Variants in WARS2 observed in about 807,000 individuals in gnomAD.
WARS2 encodes tryptophanyl tRNA synthetase 2, mitochondrial.
Under a neutral mutation model 36.5 loss-of-function variants are expected in WARS2, and 28 were observed. The ratio of observed to expected loss-of-function variants is 0.77; its 90% confidence interval spans 0.57 to 1.05. The LOEUF is 1.05. WARS2 is among the 50% of genes least tolerant of loss of function. WARS2 has a pLI of 0.00. For missense variants in WARS2, 435 were observed against 456.8 expected, an observed-to-expected ratio of 0.95 and a Z score of 0.44; for synonymous variants, 174 against 178.4, an observed-to-expected ratio of 0.98 and a Z score of 0.20.
Position 119,034,123 on chromosome 1 carries a change from C to G in WARS2, c.606G>C (p.Glu202Asp). Residue 202 changes from glutamate to aspartate, a missense_variant, in exon 5 of 6, where the codon GAG becomes GAC. By Grantham distance (45) the Glu-to-Asp change is conservative. Transcript: ENST00000235521. ...GAATGGACTCGGGCACTGGAAAGAA[C>G]TCCCCATACTTCTTGTTGAAACCTT... ...LAQGFNKKYGEFFPVPESILT... is the reference protein window; with the variant it reads ...LAQGFNKKYGDFFPVPESILT... 1 of 1,613,912 alleles carries G rather than the reference C, an allele frequency of 6.2e-7. No individual in the cohort carries two copies. The highest frequency in any genetic ancestry group is 1.1e-5 in the South Asian group (1 of 91,072).
intron 1 of WARS2, among the ~76,000 whole-genome samples, chr1:119,131,283 C>T (rs1203013139): frequency 6.6e-6 from 1 of 151,848 alleles, no homozygotes; most frequent in Non-Finnish European, 1.5e-5. Flanking sequence ...AGAGTACAGA[C>T]AGATAAGGAT....
intron 1 of WARS2, among the ~76,000 whole-genome samples, chr1:119,080,691 A>G (rs1199047407): frequency 6.6e-6 from 1 of 152,202 alleles, no homozygotes; most frequent in East Asian, 1.9e-4. Context: ...GCCTGACGGC[A>G]TGGCAGGGGA....
chr1:119,115,575 G>A (rs993465256), intron 1 of WARS2, among the ~76,000 whole-genome samples: 2 of 152,114 alleles, frequency 1.3e-5, no homozygotes, highest in Non-Finnish European at 2.9e-5. Flanking sequence ...AAATTCAACA[G>A]TTTCAGGGCT....
intron 2 of WARS2, chr1:119,064,575 G>C (rs913544819): frequency 2.0e-5 from 3 of 152,192 alleles, no homozygotes; most frequent in Admixed American, 1.3e-4. Flanking sequence ...CCCAGTGGGA[G>C]GTAATTGAAT....
intron 1 of WARS2, among the ~76,000 whole-genome samples, chr1:119,129,484 A>G (rs1330823481): frequency 1.3e-5 from 2 of 152,262 alleles, no homozygotes; most frequent in African/African-American, 2.4e-5. Context: ...TGAGGCAGGA[A>G]CACCATTTGA....
At position 119,032,454 on chromosome 1, in the gene WARS2, T is replaced by G. The variant is rs1488139806; in HGVS notation, c.*457A>C. On this transcript the variant is annotated 3_prime_UTR_variant, in exon 6 of 6. Coordinates refer to ENST00000235521, the MANE Select transcript of WARS2 (RefSeq NM_015836.4). ...AGAATGGACTTGTTTTTATGAGCTC[T>G]GAATACAAATTGGCATCTGATCAAA... 1.3e-5 allele frequency: 2 copies of G among 155,358 alleles called. No homozygotes were observed. The highest frequency in any genetic ancestry group is 4.8e-5 in the African/African-American group (2 of 41,524). 9.6% of individuals were successfully genotyped at this position (155,358 alleles called of 1,614,324 possible). A position where few individuals can be genotyped will look rare whatever the true frequency, so the allele number is the denominator to read the frequency against.
At chr1:119,104,266 G>C (rs1206398484) in intron 1 of WARS2, among the ~76,000 whole-genome samples, 3 of 151,424 alleles carry the variant, frequency 2.0e-5, no homozygotes, top group Non-Finnish European at 4.4e-5. Context: ...ATAATATTAG[G>C]ATCCTTTCCC....
intron 4 of WARS2, among the ~76,000 whole-genome samples, chr1:119,041,838 G>A (rs1013283432): frequency 6.6e-6 from 1 of 152,158 alleles, no homozygotes; most frequent in Non-Finnish European, 1.5e-5. Flanking sequence ...AAACTTCCTG[G>A]ACTCAAATCC....
intron 4 of WARS2, among the ~76,000 whole-genome samples, chr1:119,035,422 G>GCTTATA (rs918137655): frequency 6.6e-6 from 1 of 152,098 alleles, no homozygotes; most frequent in Admixed American, 6.6e-5. Flanking sequence ...TCATCATGGA[G>GCTTATA]CTTACCTCAT....
intron 2 of WARS2, among the ~76,000 whole-genome samples, chr1:119,065,926 A>T (rs999372705): frequency 2.0e-5 from 3 of 152,192 alleles, no homozygotes; most frequent in African/African-American, 7.2e-5. Context: ...AACCAATGTG[A>T]TTTTTAAAAA....
At chr1:119,120,340 T>C (rs922167211) in intron 1 of WARS2, among the ~76,000 whole-genome samples, 1 of 151,640 alleles carries the variant, frequency 6.6e-6, no homozygotes, top group Admixed American at 6.6e-5. Flanking sequence ...ACAAACTTCC[T>C]AGATTAAACC....
Position 119,131,451 on chromosome 1 carries a change from G to GTTTTTT in WARS2, c.90+9098_90+9103dup, listed in dbSNP as rs1433121541. 7.1e-5 allele frequency among the ~76,000 whole-genome samples: 9 copies of GTTTTTT among 126,932 alleles called. No individual in the cohort carries two copies. The East Asian group carries it at 1.4e-3, about 20-fold the overall frequency. 83.3% of individuals were successfully genotyped at this position (126,932 alleles called of 152,430 possible). On this transcript the variant is annotated intron_variant, in intron 1 of 5. Coordinates refer to ENST00000235521, the MANE Select transcript of WARS2 (RefSeq NM_015836.4). ...GTATTTTGGATCCGGACTGTGCAAA[G>GTTTTTT]TTTTTTGTTTTTTGTTTTTTTTTTT...
chr1:119,124,655 C>T (rs77277973), intron 1 of WARS2, among the ~76,000 whole-genome samples: 13,755 of 152,130 alleles, frequency 0.09, 859 homozygotes, highest in Non-Finnish European at 0.13. Flanking sequence ...TACTTGGTCT[C>T]CTTGCTTCTA....
chr1:119,134,319 C>CAAAAAAAAAAAAAAAA (rs761321480), intron 1 of WARS2, among the ~76,000 whole-genome samples: 13 of 65,866 alleles, frequency 2.0e-4, no homozygotes, highest in Non-Finnish European at 2.4e-4. Flanking sequence ...GGCAAAGGGG[C>CAAAAAAAAAAAAAAAA]AAAAAAAAAA....
intron 2 of WARS2, among the ~76,000 whole-genome samples, chr1:119,071,566 T>C (rs1368335761): frequency 6.6e-6 from 1 of 152,106 alleles, no homozygotes; most frequent in East Asian, 1.9e-4. Flanking sequence ...AGAGGACATT[T>C]TGTTAAGTGA....
At chr1:119,113,810 G>A (rs922106705) in intron 1 of WARS2, among the ~76,000 whole-genome samples, 14 of 152,064 alleles carry the variant, frequency 9.2e-5, no homozygotes, top group African/African-American at 3.1e-4. Flanking sequence ...ATAATTTTAA[G>A]GATCTCTCTT....
At chr1:119,135,737 GAT>G (rs1423703285) in intron 1 of WARS2, among the ~76,000 whole-genome samples, 31 of 116,374 alleles carry the variant, frequency 2.7e-4, no homozygotes, top group Admixed American at 6.3e-4. Flanking sequence ...TAGATAGATA[GAT>G]AGATAGATAG....
At position 119,070,478 on chromosome 1, in the gene WARS2, G is replaced by C. The variant is rs187824904; in HGVS notation, c.348+5872C>G. Among the ~76,000 whole-genome samples, 674 of 152,134 alleles carry C rather than the reference G, an allele frequency of 4.4e-3. 11 individuals are homozygous for C. Among genetic ancestry groups the C allele is most frequent in the African/African-American group, 0.015 (629 of 41,556 alleles). ...GACAGGGTTTCACCTTGTTACCCAGGCTGATCTGGAGCTCCTGAGCTCAAG... is the reference window on the plus strand; with the variant it reads ...GACAGGGTTTCACCTTGTTACCCAGCCTGATCTGGAGCTCCTGAGCTCAAG... On this transcript the variant is annotated intron_variant, in intron 2 of 5. Coordinates refer to ENST00000235521, the MANE Select transcript of WARS2 (RefSeq NM_015836.4).
At chr1:119,115,695 C>A (rs1366074966) in intron 1 of WARS2, among the ~76,000 whole-genome samples, 2 of 152,180 alleles carry the variant, frequency 1.3e-5, no homozygotes, top group African/African-American at 4.8e-5. Context: ...CTCTTTCTTT[C>A]TCTCTTCAAA....
Sources: allele counts gnomAD v4.1 joint callset (sites outside exome capture counted in the v4.1 genomes callset), GRCh38; gene constraint gnomAD v4.1.1; transcripts MANE v1.5; gene names NCBI Gene and HGNC (gene_info 2026-07-23, HGNC 2026-07-21).